USP28: variants seen among roughly 807,000 people sequenced by gnomAD.
The protein encoded by USP28 is ubiquitin specific peptidase 28.
In USP28, 113 loss-of-function variants were observed where a neutral mutation model predicts 145.0. The observed-to-expected ratio is 0.78, with a 90% CI of 0.67 to 0.91. The LOEUF is 0.91. Ranked by LOEUF, USP28 falls within the 40% of genes least tolerant of loss-of-function variation. The pLI is 0.00. For missense variants in USP28, 1,201 were observed against 1,289.6 expected (o/e 0.93, Z 1.05); for synonymous variants, 447 against 450.9 (o/e 0.99, Z 0.11).
intron 3 of USP28, among the ~76,000 whole-genome samples, chr11:113,846,691 T>C (rs1211124685): frequency 2.6e-5 from 4 of 152,212 alleles, no homozygotes; most frequent in Non-Finnish European, 5.9e-5. Context: ...TTTCAAGTAA[T>C]AAATTATCCA....
intron 1 of USP28, among the ~76,000 whole-genome samples, chr11:113,874,142 A>G (rs1175103359): frequency 7.7e-5 from 5 of 64,932 alleles, no homozygotes; most frequent in Non-Finnish European, 1.2e-4. Context: ...CTCCGTCTGG[A>G]AAAAAAAAAA....
At chr11:113,802,139 G>T (rs922718834) in intron 23 of USP28, among the ~76,000 whole-genome samples, 1 of 152,160 alleles carries the variant, frequency 6.6e-6, no homozygotes, top group Non-Finnish European at 1.5e-5. Context: ...CACACTAGGG[G>T]TTGGGACTCA....
chr11:113,826,033 C>T (rs1456102693), intron 11 of USP28, among the ~76,000 whole-genome samples: 2 of 151,978 alleles, frequency 1.3e-5, no homozygotes, highest in Non-Finnish European at 2.9e-5. Context: ...GCCTATAATC[C>T]CAGCACTTTG....
chr11:113,804,786 G>T (rs764447884), intron 20 of USP28, 35 bp from the exon 22 acceptor site: 1 of 1,612,086 alleles, frequency 6.2e-7, no homozygotes, highest in Admixed American at 1.7e-5. Flanking sequence ...CAATGAAAAG[G>T]CACAGGGCAA....
intron 6 of USP28, among the ~76,000 whole-genome samples, chr11:113,834,020 C>A (rs1944305640): frequency 6.6e-6 from 1 of 152,194 alleles, no homozygotes; most frequent in Middle Eastern, 3.2e-3. Context: ...GGTCTCCCCA[C>A]CCACATATTC....
chr11:113,819,291 T>G (rs1942247568), intron 12 of USP28, among the ~76,000 whole-genome samples: 1 of 152,014 alleles, frequency 6.6e-6, no homozygotes, highest in Admixed American at 6.6e-5. Flanking sequence ...TTTTATATTT[T>G]TAGTAGAGAT....
intron 5 of USP28, among the ~76,000 whole-genome samples, chr11:113,839,683 G>A (rs1035841751): frequency 2.6e-5 from 4 of 152,292 alleles, no homozygotes; most frequent in Non-Finnish European, 5.9e-5. Context: ...GAGGTCAGGA[G>A]TTCGAGACCA....
chr11:113,841,513 A>G (rs1222098333), intron 4 of USP28, 150 bp downstream of exon 4: 3 of 509,066 alleles, frequency 5.9e-6, no homozygotes, highest in Admixed American at 3.5e-5. Flanking sequence ...AAGTGAACCA[A>G]AGAGTAAGCT....
chr11:113,849,048 A>ATGCTG (rs1488387040), intron 3 of USP28, among the ~76,000 whole-genome samples: 4 of 152,224 alleles, frequency 2.6e-5, no homozygotes, highest in Non-Finnish European at 4.4e-5. Context: ...TGAAATACTC[A>ATGCTG]TGCTGTCTTG....
At chr11:113,800,098 C>T (rs1017555546) in intron 24 of USP28, among the ~76,000 whole-genome samples, 4 of 151,974 alleles carry the variant, frequency 2.6e-5, no homozygotes, top group East Asian at 1.9e-4. Context: ...CTCCGCCTCC[C>T]GGGTTCACGC....
intron 1 of USP28, chr11:113,874,988 G>C (rs946146550): frequency 1.1e-6 from 1 of 898,710 alleles, no homozygotes; most frequent in African/African-American, 1.8e-5. Flanking sequence ...TATAGAAGAC[G>C]GTGATTAATT....
At chr11:113,863,672 G>A (rs1214053652) in intron 1 of USP28, among the ~76,000 whole-genome samples, 20 of 149,590 alleles carry the variant, frequency 1.3e-4, no homozygotes, top group African/African-American at 4.4e-4. Context: ...TAGGCCGGGC[G>A]CGGTGGCTCA....
chr11:113,831,489 T>G (rs775679481), intron 8 of USP28, among the ~76,000 whole-genome samples: 7 of 152,204 alleles, frequency 4.6e-5, no homozygotes, highest in Non-Finnish European at 1.0e-4. Flanking sequence ...GGGATATCCG[T>G]ATCGTGCCCT....
chr11:113,875,279 C>G (rs1949261687), intron 1 of USP28, among the ~76,000 whole-genome samples, 166 bp downstream of exon 1: 1 of 151,836 alleles, frequency 6.6e-6, no homozygotes, highest in South Asian at 2.1e-4. Flanking sequence ...GCGGCCCGAG[C>G]CCCGCAGAGC....
chr11:113,806,626 G>C, intron 18 of USP28, 42 bp from the exon 20 acceptor site: 400 of 1,313,376 alleles, frequency 3.0e-4, no homozygotes, highest in Non-Finnish European at 3.9e-4. Flanking sequence ...AAGGAGAGAA[G>C]AAAGGTTCAG....
At chr11:113,855,931 G>A (rs1322539924) in intron 1 of USP28, among the ~76,000 whole-genome samples, 1 of 151,930 alleles carries the variant, frequency 6.6e-6, no homozygotes, top group East Asian at 1.9e-4. Context: ...AATAAATAAA[G>A]TCCTCAAAGA....
At chr11:113,817,707 G>A (rs765720347) in exon 13 of USP28, 35 of 1,614,044 alleles carry the variant, frequency 2.2e-5, no homozygotes, top group Non-Finnish European at 3.0e-5. Context: ...GAAGAAAGTG[G>A]TAATGTCATA....
intron 23 of USP28, among the ~76,000 whole-genome samples, chr11:113,802,056 G>A (rs1467768976): frequency 6.6e-6 from 1 of 152,112 alleles, no homozygotes; most frequent in Non-Finnish European, 1.5e-5. Context: ...CCCTTCCCAG[G>A]GATTCTGGTT....
chr11:113,812,420 G>A lies in USP28; in HGVS notation c.1828C>T (p.Arg610Ter), dbSNP rs945202527. ...TCATTGTACTTGAGCCAGCTCTGTCGGGGTTGATTATAGATATAGGCCCAA... is the reference window on the plus strand; with the variant it reads ...TCATTGTACTTGAGCCAGCTCTGTCAGGGTTGATTATAGATATAGGCCCAA... Residue 610 changes from arginine to a stop codon, truncating the protein, a stop_gained, in exon 16 of 25, where the codon CGA becomes TGA. Coordinates refer to ENST00000003302, the Ensembl canonical transcript of USP28. LOFTEE classifies it high-confidence loss of function. 3.7e-6 allele frequency: 6 copies of A among 1,614,066 alleles called. No homozygotes were observed. The highest frequency in any genetic ancestry group is 2.2e-5 in the East Asian group (1 of 44,876).
Sources: allele counts gnomAD v4.1 joint callset (sites outside exome capture counted in the v4.1 genomes callset), GRCh38; gene constraint gnomAD v4.1.1; transcripts MANE v1.5; gene names NCBI Gene and HGNC (gene_info 2026-07-23, HGNC 2026-07-21).